RIN3: variants seen among roughly 807,000 people sequenced by gnomAD.
The protein encoded by RIN3 is Ras and Rab interactor 3, also known as RAB5 interacting protein 3.
Under a neutral mutation model 76.3 loss-of-function variants are expected in RIN3, and 54 were observed. That is an observed-to-expected ratio of 0.71 (90% CI 0.57 to 0.89). The LOEUF is 0.89. Among genes scored for constraint, RIN3 ranks in the 40% least tolerant of loss-of-function variants. RIN3 has a pLI of 0.00. For missense variants in RIN3, 1,256 were observed against 1,322.1 expected (o/e 0.95, Z 0.78); for synonymous variants, 576 against 564.0 (o/e 1.02, Z -0.30).
chr14:92,629,150 AGAGATT>A (rs1460490025), intron 4 of RIN3, among the ~76,000 whole-genome samples: 22 of 126,356 alleles, frequency 1.7e-4, no homozygotes, highest in African/African-American at 5.2e-4. Flanking sequence ...AGAGAGAGAG[AGAGATT>A]GATTGATTGA....
At position 92,604,909 on chromosome 14, in the gene RIN3, C is replaced by CTTTTTTTTTT. The variant is rs148326639; in HGVS notation, c.368-10474_368-10465dup. Among the ~76,000 whole-genome samples the CTTTTTTTTTT allele has an allele frequency of 8.9e-5, 8 of 90,074 alleles. 1 individual carries two copies. The highest frequency in any genetic ancestry group is 1.2e-4 in the Admixed American group (1 of 8,396). 59.1% of individuals were successfully genotyped at this position (90,074 alleles called of 152,430 possible). On this transcript the variant is annotated intron_variant, in intron 3 of 9. Coordinates refer to ENST00000216487, the MANE Select transcript of RIN3 (RefSeq NM_024832.5). ...TGTCAATTTCCTTATCCATTTTCCT[C>CTTTTTTTTTT]TTTTTTTTTTTTTTTTTTTTTTTTT...
At chr14:92,576,264 A>T (rs2140057826) in intron 2 of RIN3, 1 of 1,288,372 alleles carries the variant, frequency 7.8e-7, no homozygotes, top group East Asian at 5.6e-5. Context: ...TGTGAAAGGC[A>T]GCAGAATCCC....
At chr14:92,628,948 AAGAG>A (rs369593889) in intron 4 of RIN3, among the ~76,000 whole-genome samples, 19 of 152,210 alleles carry the variant, frequency 1.2e-4, no homozygotes, top group African/African-American at 4.6e-4. Context: ...CAGAAAAAGA[AAGAG>A]AGAGAAAAAA....
intron 3 of RIN3, among the ~76,000 whole-genome samples, chr14:92,581,171 T>G (rs1282425427): frequency 6.6e-6 from 1 of 152,206 alleles, no homozygotes; most frequent in East Asian, 1.9e-4. Flanking sequence ...TCTTCTCATT[T>G]GGCCAGGGCC....
chr14:92,552,096 A>G (rs1897443838), intron 1 of RIN3, among the ~76,000 whole-genome samples: 1 of 152,222 alleles, frequency 6.6e-6, no homozygotes, highest in South Asian at 2.1e-4. Context: ...GTTGAGGGGC[A>G]GAGGCCCAGA....
At chr14:92,649,431 C>T (rs2146495) in intron 5 of RIN3, among the ~76,000 whole-genome samples, 6,276 of 151,844 alleles carry the variant, frequency 0.041, 263 homozygotes, top group East Asian at 0.2. Context: ...TTCAAACACT[C>T]ACTCCAGGGG....
chr14:92,681,629 A>C lies in RIN3; in HGVS notation c.2468-3358A>C, dbSNP rs1287695530. Among the ~76,000 whole-genome samples, 1 of 152,100 alleles carries C rather than the reference A, an allele frequency of 6.6e-6. No individual in the cohort carries two copies. On this transcript the variant is annotated intron_variant, in intron 8 of 9. Coordinates refer to ENST00000216487, the MANE Select transcript of RIN3 (RefSeq NM_024832.5). This position sits in a 1 kb window ranked among gnomAD's most constrained non-coding sequence, Gnocchi z 4.7. Reference sequence around the variant, plus strand: ...TGAAGGTTTGCAGTCAGCACACTGCACTCACCTCTTCCATTCCCAGCCAGG... The same window carrying C: ...TGAAGGTTTGCAGTCAGCACACTGCCCTCACCTCTTCCATTCCCAGCCAGG...
Position 92,648,004 on chromosome 14 carries a change from C to T in RIN3, c.533-3578C>T, listed in dbSNP as rs181751359. Reference sequence around the variant, plus strand: ...GGACTGGACCCCACAGCTTTGCCAACCAAACCACTAGGATTGCATGACACA... The same window carrying T: ...GGACTGGACCCCACAGCTTTGCCAATCAAACCACTAGGATTGCATGACACA... On this transcript the variant is annotated intron_variant, in intron 5 of 9. Coordinates refer to ENST00000216487, the MANE Select transcript of RIN3 (RefSeq NM_024832.5). The surrounding 1 kb of genome is among the most constrained non-coding windows in gnomAD (Gnocchi z 4.1). 5.0e-4 allele frequency among the ~76,000 whole-genome samples: 76 copies of T among 152,224 alleles called. No homozygotes were observed. The highest frequency in any genetic ancestry group is 1.8e-3 in the African/African-American group (74 of 41,536).
intron 3 of RIN3, among the ~76,000 whole-genome samples, chr14:92,578,454 C>T (rs557413268): frequency 3.3e-5 from 5 of 152,308 alleles, no homozygotes; most frequent in South Asian, 2.1e-4. Flanking sequence ...GGTATAACCG[C>T]TCAGTGGGTA....
intron 1 of RIN3, among the ~76,000 whole-genome samples, chr14:92,537,576 C>G (rs1897027845): frequency 6.6e-6 from 1 of 150,914 alleles, no homozygotes; most frequent in South Asian, 2.1e-4. Flanking sequence ...CTGAATTGCC[C>G]TCCATGAAGG....
chr14:92,687,595 TGGAGGGAG>T (rs572976451), intron 9 of RIN3: 6 of 361,812 alleles, frequency 1.7e-5, no homozygotes, highest in Non-Finnish European at 3.0e-5. Flanking sequence ...GGAACTCACC[TGGAGGGAG>T]GGAGGGAGGG....
chr14:92,525,770 T>C (rs1254396148), intron 1 of RIN3, among the ~76,000 whole-genome samples: 1 of 152,182 alleles, frequency 6.6e-6, no homozygotes, highest in Non-Finnish European at 1.5e-5. Flanking sequence ...GTGGCCTGCA[T>C]GGCACTGCAC....
intron 4 of RIN3, among the ~76,000 whole-genome samples, chr14:92,622,957 A>G (rs552686867): frequency 6.6e-6 from 1 of 152,366 alleles, no homozygotes; most frequent in South Asian, 2.1e-4. Flanking sequence ...AGAATTTGTT[A>G]CTATAGGATT....
chr14:92,536,685 T>G (rs1014266438), intron 1 of RIN3, among the ~76,000 whole-genome samples: 1 of 146,146 alleles, frequency 6.8e-6, no homozygotes, highest in African/African-American at 2.6e-5. Context: ...GAGGTTGCTG[T>G]GAGCTGAGAT....
chr14:92,582,743 C>T (rs1397679043), intron 3 of RIN3, among the ~76,000 whole-genome samples: 11 of 152,128 alleles, frequency 7.2e-5, no homozygotes, highest in Admixed American at 7.2e-4. Context: ...GTGAGCCACC[C>T]CGCCTGGCCT....
intron 4 of RIN3, among the ~76,000 whole-genome samples, chr14:92,618,425 A>T (rs73330129): frequency 0.11 from 17,178 of 152,032 alleles, 1,087 homozygotes; most frequent in Non-Finnish European, 0.14. Context: ...GTATGGAGGG[A>T]CCCTTCACAG....
intron 7 of RIN3, among the ~76,000 whole-genome samples, chr14:92,663,526 C>T (rs1887963900): frequency 6.6e-6 from 1 of 152,196 alleles, no homozygotes; most frequent in South Asian, 2.1e-4. Context: ...GCCAGGGTCT[C>T]CCCCAGAAAC....
intron 8 of RIN3, among the ~76,000 whole-genome samples, chr14:92,678,016 TACCTATCC>T (rs1888529622): frequency 7.5e-6 from 1 of 133,246 alleles, no homozygotes; most frequent in Non-Finnish European, 1.6e-5. Flanking sequence ...CATTTCCATC[TACCTATCC>T]ACCTATCCAT....
At chr14:92,515,919 G>A (rs1328216569) in intron 1 of RIN3, among the ~76,000 whole-genome samples, 1 of 152,218 alleles carries the variant, frequency 6.6e-6, no homozygotes, top group Non-Finnish European at 1.5e-5. Flanking sequence ...CTGATGGATT[G>A]GAGGGAGAGA....
Sources: allele counts gnomAD v4.1 joint callset (sites outside exome capture counted in the v4.1 genomes callset), GRCh38; gene constraint gnomAD v4.1.1; non-coding constraint Gnocchi (gnomAD v3.1); transcripts MANE v1.5; gene names NCBI Gene and HGNC (gene_info 2026-07-23, HGNC 2026-07-21).